Variants in KIF26B observed in about 807,000 individuals in gnomAD.
KIF26B encodes the protein kinesin family member 26B.
Under a neutral mutation model 151.2 loss-of-function variants are expected in KIF26B, and 63 were observed. The observed-to-expected ratio is 0.42, with a 90% CI of 0.34 to 0.51. The LOEUF (loss-of-function observed/expected upper bound fraction) is 0.51. Ranked by LOEUF, KIF26B falls within the 20% of genes least tolerant of loss-of-function variation. The pLI is 0.07. For synonymous variants in KIF26B, 1,357 were observed against 1,262.1 expected, an observed-to-expected ratio of 1.08 and a Z score of -1.59; for missense variants, 2,813 against 2,913.6, an observed-to-expected ratio of 0.97 and a Z score of 0.79.
chr1:245,687,324 A>T lies in KIF26B; in HGVS notation c.4341A>T (p.Glu1447Asp). The change falls in exon 12 of 15, where the codon GAA (glutamate) becomes GAT (aspartate). Residue 1447 changes from glutamate (E) to aspartate (D), a missense_variant. Physicochemically the swap from Glu to Asp is conservative, Grantham distance 45. Coordinates refer to ENST00000407071, the MANE Select transcript of KIF26B (RefSeq NM_018012.4). The surrounding 1 kb of genome is among the most constrained non-coding windows in gnomAD (Gnocchi z 4.9). ...ACCCGTGGCTGAAACGAGAAGAGGA[A>T]GTGAAAAAAGAGACGGCTCATCCCA... is the stretch of plus-strand genomic sequence containing the variant. ...FEDPWLKREEEVKKETAHPNE... is the reference protein window; with the variant it reads ...FEDPWLKREEDVKKETAHPNE... The T allele has an allele frequency of 6.2e-7, 1 of 1,601,550 alleles. No individual in the cohort carries two copies. Among genetic ancestry groups the T allele is most frequent in the East Asian group, 2.3e-5 (1 of 44,392 alleles).
At chr1:245,415,351 C>A (rs1448144674) in intron 3 of KIF26B, among the ~76,000 whole-genome samples, 1 of 152,068 alleles carries the variant, frequency 6.6e-6, no homozygotes, top group Non-Finnish European at 1.5e-5. Context: ...ATTAATAGGA[C>A]AATTCGGTTA....
At chr1:245,690,752 A>G (rs962965536) in intron 12 of KIF26B, among the ~76,000 whole-genome samples, 1 of 150,308 alleles carries the variant, frequency 6.7e-6, no homozygotes, top group Non-Finnish European at 1.5e-5. Context: ...GGGGGGGGGT[A>G]TGCTTCAGTC....
chr1:245,648,446 G>A (rs1452532884), intron 10 of KIF26B, among the ~76,000 whole-genome samples: 2 of 151,880 alleles, frequency 1.3e-5, no homozygotes, highest in African/African-American at 2.4e-5. Flanking sequence ...ACCAGCCTGG[G>A]CAGCATGGCA....
chr1:245,443,610 T>C (rs1332013084), intron 4 of KIF26B, among the ~76,000 whole-genome samples: 1 of 103,882 alleles, frequency 9.6e-6, no homozygotes, highest in East Asian at 4.8e-4. Context: ...CCTAGAGCGG[T>C]CATCTCCCTC....
intron 9 of KIF26B, among the ~76,000 whole-genome samples, chr1:245,619,782 G>A (rs550636986): frequency 1.2e-4 from 17 of 147,448 alleles, no homozygotes; most frequent in African/African-American, 1.5e-4. Flanking sequence ...GCATGGTGGC[G>A]GGCGCCTGTA....
rs553746823 is a variant in KIF26B at position 245,389,684 on chromosome 1, C to T, written c.999+22317C>T. 4.6e-5 allele frequency among the ~76,000 whole-genome samples: 7 copies of T among 152,214 alleles called. No individual in the cohort carries two copies. The East Asian group carries it at 5.8e-4, about 13-fold the overall frequency. ...TGTTTTGGAGGAATGCTTAAGTTAC[C>T]TATGAAGTATCCATTTTTTTAAATG... On this transcript the variant is annotated intron_variant, in intron 3 of 14. Transcript: ENST00000407071.
chr1:245,555,776 G>C (rs1193819719), intron 5 of KIF26B, among the ~76,000 whole-genome samples: 2 of 152,192 alleles, frequency 1.3e-5, no homozygotes, highest in East Asian at 3.9e-4. Flanking sequence ...CAGTGCCAGG[G>C]AGGAGGGGAG....
rs538355819 is a variant in KIF26B at position 245,319,505 on chromosome 1, C to T, written c.466-47329C>T. On this transcript the variant is annotated intron_variant, in intron 2 of 14. Coordinates refer to ENST00000407071, the MANE Select transcript of KIF26B (RefSeq NM_018012.4). ...TTCGTGCTTGGCAAAGTAATTACTA[C>T]GCCAAGTTTTTTTTTTTTTTAATCA... Among the ~76,000 whole-genome samples, 7 of 137,652 alleles carry T rather than the reference C, an allele frequency of 5.1e-5. No homozygotes were observed. The East Asian group carries it at 6.2e-4, about 12-fold the overall frequency. The allele number at this position is 137,652 out of a possible 152,430, so 90.3% of individuals were successfully genotyped here. A position where few individuals can be genotyped will look rare whatever the true frequency, so the allele number is the denominator to read the frequency against.
chr1:245,552,122 G>GATT (rs1553287299), intron 5 of KIF26B, among the ~76,000 whole-genome samples: 1 of 131,614 alleles, frequency 7.6e-6, no homozygotes, highest in Non-Finnish European at 1.6e-5. Flanking sequence ...GAACCAGCAG[G>GATT]GTGTGTGTGT....
chr1:245,413,106 C>T (rs969954422), intron 3 of KIF26B, among the ~76,000 whole-genome samples: 13 of 152,252 alleles, frequency 8.5e-5, no homozygotes, highest in Admixed American at 8.5e-4. Context: ...AATAAAATCC[C>T]GTGGTGAAAA....
chr1:245,274,470 C>T (rs796556189), intron 2 of KIF26B, among the ~76,000 whole-genome samples: 1 of 151,820 alleles, frequency 6.6e-6, no homozygotes, highest in Non-Finnish European at 1.5e-5. Context: ...TGAGAACATG[C>T]GGTGTTTGGT....
chr1:245,394,230 A>C (rs2103023803), intron 3 of KIF26B, among the ~76,000 whole-genome samples: 1 of 152,290 alleles, frequency 6.6e-6, no homozygotes, highest in Admixed American at 6.5e-5. Context: ...CTGCCATCTT[A>C]AAAATTCTTT....
chr1:245,480,774 A>C (rs1660148520), intron 4 of KIF26B, among the ~76,000 whole-genome samples: 1 of 103,580 alleles, frequency 9.7e-6, no homozygotes, highest in African/African-American at 5.3e-5. Flanking sequence ...AATACTTTTA[A>C]AATGTTAAAA....
intron 2 of KIF26B, among the ~76,000 whole-genome samples, chr1:245,248,820 C>T (rs566295343): frequency 2.6e-5 from 4 of 152,074 alleles, no homozygotes; most frequent in Non-Finnish European, 5.9e-5. Context: ...AATGATGGAT[C>T]GAGGAAATCA....
chr1:245,579,547 C>T (rs1178392870), intron 5 of KIF26B, among the ~76,000 whole-genome samples: 4 of 152,150 alleles, frequency 2.6e-5, no homozygotes, highest in African/African-American at 4.8e-5. Flanking sequence ...AGTGGCTCAA[C>T]GCCTGTAATC....
At chr1:245,190,682 C>G (rs527353716) in intron 2 of KIF26B, among the ~76,000 whole-genome samples, 1 of 128,636 alleles carries the variant, frequency 7.8e-6, no homozygotes, top group African/African-American at 3.1e-5. Context: ...CTATTAAAAT[C>G]TCAGCATTCT....
chr1:245,541,749 T>C lies in KIF26B; in HGVS notation c.1350+799T>C, dbSNP rs371800424. ...TCGTGACTCCGGCCCTGGGCTTCATTTGGCCGCCGTTGCTAGTCTTGCTGA... is the reference window on the plus strand; with the variant it reads ...TCGTGACTCCGGCCCTGGGCTTCATCTGGCCGCCGTTGCTAGTCTTGCTGA... On this transcript the variant is annotated intron_variant, in intron 5 of 14. Transcript: ENST00000407071. Among the ~76,000 whole-genome samples the C allele has an allele frequency of 6.6e-5, 10 of 152,176 alleles. No individual in the cohort carries two copies. In the East Asian group the frequency reaches 1.5e-3, roughly 24 times the overall value.
At chr1:245,344,369 C>CTAG (rs1302014079) in intron 2 of KIF26B, among the ~76,000 whole-genome samples, 1 of 151,896 alleles carries the variant, frequency 6.6e-6, no homozygotes, top group Non-Finnish European at 1.5e-5. Context: ...AATGTATCCT[C>CTAG]TAGTAGTCCC....
chr1:245,577,549 A>G (rs1000569002), intron 5 of KIF26B, among the ~76,000 whole-genome samples: 1 of 147,348 alleles, frequency 6.8e-6, no homozygotes, highest in Non-Finnish European at 1.5e-5. Flanking sequence ...CATCCCCTAC[A>G]TGGAAGAGCT....
Sources: gnomAD v4.1 joint callset for allele counts (sites outside exome capture counted in the v4.1 genomes callset) on GRCh38, gnomAD v4.1.1 for gene constraint, Gnocchi (gnomAD v3.1) non-coding constraint, MANE v1.5 for transcripts, NCBI Gene and HGNC (gene_info 2026-07-23, HGNC 2026-07-21) for gene names.